Variants in TACC2 observed in about 807,000 individuals in gnomAD.
TACC2 encodes transforming acidic coiled-coil-containing protein 2.
In TACC2, 137 loss-of-function variants were observed where a neutral mutation model predicts 227.3. The ratio of observed to expected loss-of-function variants is 0.60; its 90% CI spans 0.52 to 0.69. TACC2 has a LOEUF of 0.69. Among genes scored for constraint, TACC2 ranks in the 30% least tolerant of loss-of-function variants. The pLI, the probability that TACC2 is intolerant of heterozygous loss-of-function variation, is 0.00. For synonymous variants in TACC2, 1,523 were observed against 1,487.5 expected (o/e 1.02, Z -0.55); for missense variants, 3,470 against 3,694.4 (o/e 0.94, Z 1.57).
intron 7 of TACC2, among the ~76,000 whole-genome samples, chr10:122,187,719 G>A (rs1565547338): frequency 6.6e-6 from 1 of 152,084 alleles, no homozygotes; most frequent in African/African-American, 2.4e-5. Context: ...TGGAACTCCT[G>A]ATCTCAGGTA....
intron 5 of TACC2, among the ~76,000 whole-genome samples, chr10:122,122,692 T>C (rs4751875): frequency 0.66 from 100,058 of 151,804 alleles, 37,100 homozygotes; most frequent in South Asian, 0.82. Context: ...CTGGCTCCTG[T>C]GCTCTTGGAC....
At position 122,087,487 on chromosome 10, in the gene TACC2, G is replaced by A. The variant is rs144811256; in HGVS notation, c.4987G>A (p.Gly1663Arg). The A allele has an allele frequency of 8.1e-6, 13 of 1,613,882 alleles. No individual in the cohort carries two copies. The highest frequency in any genetic ancestry group is 1.6e-4 in the Middle Eastern group (1 of 6,084). The change falls in exon 4 of 23, where the codon GGA (glycine) becomes AGA (arginine). Residue 1663 changes from glycine to arginine, a missense_variant. Gly to Arg is a moderately radical substitution (Grantham distance 125, BLOSUM62 -2). Around this residue, in one of 10 missense-constraint regions of TACC2, gnomAD observed 1,924 missense variants for 1,978.3 expected, o/e 0.97. Transcript: ENST00000369005. ...CACGCTTGGGGGTGAAAGGAGACCC[G>A]GAGTCACTGCTGGCATCTTGGAAAT... ...LDTLGGERRP[G>R]VTAGILEMRN...
intron 7 of TACC2, among the ~76,000 whole-genome samples, chr10:122,188,868 G>A (rs536675535): frequency 6.6e-6 from 1 of 152,264 alleles, no homozygotes; most frequent in African/African-American, 2.4e-5. Flanking sequence ...TTGATTTTTC[G>A]CGAGGCAGCC....
At chr10:122,173,976 A>G (rs1032168955) in intron 7 of TACC2, among the ~76,000 whole-genome samples, 7 of 152,162 alleles carry the variant, frequency 4.6e-5, no homozygotes, top group Non-Finnish European at 8.8e-5. Flanking sequence ...GGGCTGAGCC[A>G]AGCCAAGCCT....
intron 19 of TACC2, among the ~76,000 whole-genome samples, chr10:122,245,920 G>T (rs1261961351): frequency 1.1e-4 from 17 of 152,164 alleles, no homozygotes; most frequent in Non-Finnish European, 1.0e-4. Context: ...CAGAGTGAGA[G>T]CTCGAACTCA....
chr10:122,238,517 G>A (rs753180168), intron 18 of TACC2, among the ~76,000 whole-genome samples: 1 of 151,806 alleles, frequency 6.6e-6, no homozygotes, highest in African/African-American at 2.4e-5. Context: ...GCGCCACCTC[G>A]GCTCACTGCA....
At chr10:122,222,466 G>A (rs571112304) in intron 11 of TACC2, among the ~76,000 whole-genome samples, 9 of 152,324 alleles carry the variant, frequency 5.9e-5, no homozygotes, top group Non-Finnish European at 1.2e-4. Context: ...GGAGGAGTGC[G>A]GGCCTTCTGA....
chr10:122,210,730 A>G lies in TACC2; in HGVS notation c.6305A>G (p.Asn2102Ser), dbSNP rs3750843. ...TTTGATGGTGCTTCTTCCTCAGGCA[A>G]TCCCGAGGCCGTGGCCCTTGCCCCA... ...SDFDGASSSG[N>S]PEAVALAPDA... Residue 2102 changes from asparagine (N) to serine (S), a missense_variant, in exon 9 of 23, where the codon AAT becomes AGT. By Grantham distance (46) the Asn-to-Ser change is conservative. Around this residue, in one of 10 missense-constraint regions of TACC2, gnomAD observed 593 missense variants for 636.6 expected, o/e 0.93. Coordinates refer to ENST00000369005, the MANE Select transcript of TACC2 (RefSeq NM_206862.4). The surrounding 1 kb of genome is among the most constrained non-coding windows in gnomAD (Gnocchi z 4.6). 668 of 1,613,998 alleles carry G rather than the reference A, an allele frequency of 4.1e-4. 10 individuals carry two copies. In the East Asian group the frequency reaches 0.013, roughly 32 times the overall value.
chr10:122,173,278 G>A (rs894985174), intron 7 of TACC2, among the ~76,000 whole-genome samples: 4 of 152,180 alleles, frequency 2.6e-5, no homozygotes, highest in Non-Finnish European at 5.9e-5. Flanking sequence ...TCCTGGGGCT[G>A]CCTCATCCTC....
chr10:122,094,712 T>C (rs151072881), intron 5 of TACC2, among the ~76,000 whole-genome samples: 2,197 of 152,330 alleles, frequency 0.014, 28 homozygotes, highest in Middle Eastern at 0.041. Flanking sequence ...CTTCTGGCTC[T>C]CCAGAGCTTG....
chr10:122,095,096 G>T (rs1448793925), intron 5 of TACC2, among the ~76,000 whole-genome samples: 1 of 152,206 alleles, frequency 6.6e-6, no homozygotes, highest in Non-Finnish European at 1.5e-5. Flanking sequence ...CTAACTAGCT[G>T]CAGAGACAGA....
chr10:122,129,219 G>C (rs965232718), intron 5 of TACC2, among the ~76,000 whole-genome samples: 4 of 151,944 alleles, frequency 2.6e-5, no homozygotes, highest in African/African-American at 4.8e-5. Flanking sequence ...ACCACACCTG[G>C]CTAATTTTTT....
intron 5 of TACC2, among the ~76,000 whole-genome samples, chr10:122,108,469 G>A (rs1295731696): frequency 4.8e-5 from 6 of 125,172 alleles, no homozygotes; most frequent in Non-Finnish European, 6.6e-5. Flanking sequence ...TTTTGAGATG[G>A]AGTTCTAGTC....
intron 7 of TACC2, chr10:122,163,383 A>T: frequency 5.7e-6 from 1 of 176,268 alleles, no homozygotes; most frequent in Non-Finnish European, 1.1e-5. Context: ...CTAGGGCCCC[A>T]GCTCCCGGGC....
At chr10:122,075,507 C>T (rs571848654) in intron 3 of TACC2, among the ~76,000 whole-genome samples, 14 of 152,342 alleles carry the variant, frequency 9.2e-5, no homozygotes, top group African/African-American at 2.4e-4. Flanking sequence ...GGAGAAATCT[C>T]CTCCAATGGA....
At chr10:122,070,905 C>T (rs889300680) in intron 3 of TACC2, among the ~76,000 whole-genome samples, 34 of 151,376 alleles carry the variant, frequency 2.2e-4, no homozygotes, top group African/African-American at 7.8e-4. Flanking sequence ...GCCTGGGTAG[C>T]AGAGGAAGAC....
At position 122,254,147 on chromosome 10, in the gene TACC2, T is replaced by C. The variant is rs769760312; in HGVS notation, c.*91T>C. ...TCCAGTTCCATGGACAGGTTCTGTT[T>C]TCACTTTTTCGTATGCACTACTGTA... On this transcript the variant is annotated 3_prime_UTR_variant, in exon 23 of 23. Coordinates refer to ENST00000369005, the MANE Select transcript of TACC2 (RefSeq NM_206862.4). 6.3e-6 allele frequency: 7 copies of C among 1,115,574 alleles called. No homozygotes were observed. The African/African-American group carries it at 9.2e-5, about 15-fold the overall frequency. The allele number at this position is 1,115,574 out of a possible 1,614,324, so 69.1% of individuals were successfully genotyped here. A position where few individuals can be genotyped will look rare whatever the true frequency, so the allele number is the denominator to read the frequency against.
In TACC2 at chr10:122,134,297, G is replaced by A. The variant is rs139371317; in HGVS notation, c.5699+1563G>A. Among the ~76,000 whole-genome samples the A allele has an allele frequency of 1.8e-3, 276 of 151,722 alleles. 1 individual carries two copies. The highest frequency in any genetic ancestry group is 6.3e-3 in the African/African-American group (262 of 41,328). Reference sequence around the variant, plus strand: ...AGCGATTCTCCTGCCTCAGCCTCCCGAGAAGCTGGAATTACAGGCGTGCGC... The same window carrying A: ...AGCGATTCTCCTGCCTCAGCCTCCCAAGAAGCTGGAATTACAGGCGTGCGC... On this transcript the variant is annotated intron_variant, in intron 6 of 22. Coordinates refer to ENST00000369005, the MANE Select transcript of TACC2 (RefSeq NM_206862.4).
chr10:122,237,610 C>T, intron 17 of TACC2, 72 bp downstream of exon 17: 2 of 1,544,180 alleles, frequency 1.3e-6, no homozygotes, highest in Non-Finnish European at 1.8e-6. Flanking sequence ...TCCACAAAGC[C>T]AGAGTCTTTG....
Sources: allele counts gnomAD v4.1 joint callset (sites outside exome capture counted in the v4.1 genomes callset), GRCh38; gene constraint gnomAD v4.1.1; regional missense constraint gnomAD v4.1.1; non-coding constraint Gnocchi (gnomAD v3.1); transcripts MANE v1.5; gene names NCBI Gene and HGNC (gene_info 2026-07-23, HGNC 2026-07-21).